Variants in TENM2 observed in about 807,000 individuals in gnomAD.
The protein encoded by TENM2 is teneurin transmembrane protein 2.
Under a neutral mutation model 245.2 loss-of-function variants are expected in TENM2, and 52 were observed. The ratio of observed to expected loss-of-function variants is 0.21; its 90% CI spans 0.17 to 0.27. The LOEUF is 0.27. TENM2 is among the 10% of genes least tolerant of loss of function. TENM2 has a pLI of 1.00. For synonymous variants in TENM2, 1,363 were observed against 1,438.9 expected (o/e 0.95, Z 1.19); for missense variants, 3,046 against 3,666.8 (o/e 0.83, Z 4.37).
chr5:167,771,368 C>G (rs1763392814), intron 2 of TENM2, among the ~76,000 whole-genome samples: 1 of 152,090 alleles, frequency 6.6e-6, no homozygotes, highest in Non-Finnish European at 1.5e-5. Context: ...CACTTTTTTT[C>G]TAGTCATTTT....
intron 4 of TENM2, among the ~76,000 whole-genome samples, chr5:167,984,960 G>C (rs920685891): frequency 2.6e-5 from 4 of 152,048 alleles, no homozygotes; most frequent in Non-Finnish European, 5.9e-5. Flanking sequence ...TATATTAATG[G>C]TGCCAGAAAG....
At chr5:168,224,357 C>CCAA (rs1763958174) in intron 23 of TENM2, among the ~76,000 whole-genome samples, 2 of 152,188 alleles carry the variant, frequency 1.3e-5, no homozygotes, top group Admixed American at 1.3e-4. Flanking sequence ...CCTCTCTCCC[C>CCAA]CAACACCTTT....
At chr5:167,167,517 T>A in the TENM2 span, among the ~76,000 whole-genome samples, 1 of 152,184 alleles carries the variant, frequency 6.6e-6, no homozygotes, top group African/African-American at 2.4e-5. Context: ...CTTTTAGAAA[T>A]GACTTTTGCC....
chr5:167,266,673 G>A, the TENM2 span, among the ~76,000 whole-genome samples: 97,325 of 152,044 alleles, frequency 0.64, 33,255 homozygotes, highest in Middle Eastern at 0.85. Context: ...TCTGTAAAAT[G>A]GGGATAGGTA....
intron 15 of TENM2, among the ~76,000 whole-genome samples, chr5:168,198,486 A>G (rs576501395): frequency 1.3e-5 from 2 of 152,116 alleles, no homozygotes; most frequent in Non-Finnish European, 2.9e-5. Context: ...GTAAGCCACC[A>G]TGCCCTGCCC....
chr5:168,011,896 C>G (rs1028298758), intron 5 of TENM2, among the ~76,000 whole-genome samples: 3 of 152,144 alleles, frequency 2.0e-5, no homozygotes, highest in Admixed American at 1.3e-4. Flanking sequence ...AATATCTGAC[C>G]TAAATGTCGC....
At chr5:167,804,004 G>A (rs1362727008) in intron 2 of TENM2, among the ~76,000 whole-genome samples, 1 of 152,048 alleles carries the variant, frequency 6.6e-6, no homozygotes, top group Non-Finnish European at 1.5e-5. Context: ...TTGAGCGCCA[G>A]CATGATGTTC....
chr5:167,086,423 C>G, the TENM2 span, among the ~76,000 whole-genome samples: 473 of 152,188 alleles, frequency 3.1e-3, no homozygotes, highest in African/African-American at 0.011. Flanking sequence ...CCTCATGGCC[C>G]CGAGGTCCTA....
intron 28 of TENM2, 89 bp downstream of exon 30, chr5:168,260,502 G>T (rs188664336): frequency 9.4e-6 from 14 of 1,487,854 alleles, no homozygotes; most frequent in Non-Finnish European, 9.2e-6. Context: ...GCATGTCAGC[G>T]CAGGAAAACA....
intron 2 of TENM2, among the ~76,000 whole-genome samples, chr5:167,390,958 T>G (rs1380738398): frequency 6.6e-6 from 1 of 152,158 alleles, no homozygotes; most frequent in Non-Finnish European, 1.5e-5. Context: ...TAAATATATT[T>G]TCAGCTCCAG....
intron 2 of TENM2, among the ~76,000 whole-genome samples, chr5:167,825,524 C>T (rs919799514): frequency 1.3e-5 from 2 of 152,142 alleles, no homozygotes; most frequent in Non-Finnish European, 2.9e-5. Context: ...TCTCCTAGAC[C>T]TTAACTCATC....
intron 2 of TENM2, among the ~76,000 whole-genome samples, chr5:167,802,475 T>G (rs1390571526): frequency 6.6e-6 from 1 of 152,186 alleles, no homozygotes; most frequent in Admixed American, 6.5e-5. Context: ...GAGCCTAGAA[T>G]GTGAAAGAAT....
At chr5:168,263,381 C>T (rs1321886052), downstream of TENM2, 1 of 152,288 alleles carries the variant, frequency 6.6e-6, no homozygotes, top group African/African-American at 2.4e-5. Flanking sequence ...TTCGTTTAAG[C>T]AAATACAGGT....
At chr5:167,790,494 G>A (rs1278573749) in intron 2 of TENM2, among the ~76,000 whole-genome samples, 1 of 152,122 alleles carries the variant, frequency 6.6e-6, no homozygotes, top group African/African-American at 2.4e-5. Flanking sequence ...ACAGAGGAAC[G>A]AAAATAGAGA....
At chr5:167,406,449 C>T (rs569240263) in intron 2 of TENM2, among the ~76,000 whole-genome samples, 2 of 152,088 alleles carry the variant, frequency 1.3e-5, no homozygotes, top group East Asian at 1.9e-4. Flanking sequence ...TTGAGTATTT[C>T]GGGGCCTGGT....
chr5:167,826,826 A>G (rs148809821), intron 2 of TENM2, among the ~76,000 whole-genome samples: 1 of 152,372 alleles, frequency 6.6e-6, no homozygotes, highest in Non-Finnish European at 1.5e-5. Context: ...AAATGAGATC[A>G]TGCACATTGA....
the TENM2 span, among the ~76,000 whole-genome samples, chr5:167,066,186 T>A: frequency 6.6e-6 from 1 of 152,220 alleles, no homozygotes; most frequent in South Asian, 2.1e-4. Context: ...GAGGATCAGA[T>A]CAACAATTAA....
At chr5:167,196,542 A>ATG in the TENM2 span, among the ~76,000 whole-genome samples, 4 of 148,816 alleles carry the variant, frequency 2.7e-5, no homozygotes, top group African/African-American at 7.6e-5. Context: ...GTGTACATAT[A>ATG]TGTGTGTATA....
At chr5:168,168,180 C>T (rs568659962) in intron 13 of TENM2, among the ~76,000 whole-genome samples, 3 of 152,286 alleles carry the variant, frequency 2.0e-5, no homozygotes, top group South Asian at 2.1e-4. Flanking sequence ...ACTTTTACCA[C>T]GCACCCCAGA....
Sources: gnomAD v4.1 joint callset for allele counts (sites outside exome capture counted in the v4.1 genomes callset) on GRCh38, gnomAD v4.1.1 for gene constraint, MANE v1.5 for transcripts, NCBI Gene and HGNC (gene_info 2026-07-23, HGNC 2026-07-21) for gene names.